ZFYVE28: variants seen among roughly 807,000 people sequenced by gnomAD.
ZFYVE28 encodes lateral signaling target protein 2 homolog.
Under a neutral mutation model 82.1 loss-of-function variants are expected in ZFYVE28, and 40 were observed. That is an observed-to-expected ratio of 0.49 (90% CI 0.38 to 0.63). ZFYVE28 has a LOEUF of 0.63. Ranked by LOEUF, ZFYVE28 falls within the 30% of genes least tolerant of loss-of-function variation. The pLI, the probability that ZFYVE28 is intolerant of heterozygous loss-of-function variation, is 0.00. For synonymous variants in ZFYVE28, 612 were observed against 546.1 expected (o/e 1.12, Z -1.68); for missense variants, 1,321 against 1,242.1 (o/e 1.06, Z -0.96).
intron 7 of ZFYVE28, among the ~76,000 whole-genome samples, chr4:2,311,624 C>T (rs538398059): frequency 6.6e-6 from 1 of 152,130 alleles, no homozygotes. Context: ...TATTTCTTTT[C>T]TCCTGCTTTC....
chr4:2,365,911 C>T lies in ZFYVE28; in HGVS notation c.40-11838G>A, dbSNP rs573286173. ...ACTGGGGACTGGGGGCTCCCCTCTACCTACAGGAGGGGTGGAGGTGGCAGA... is the reference window on the plus strand; with the variant it reads ...ACTGGGGACTGGGGGCTCCCCTCTATCTACAGGAGGGGTGGAGGTGGCAGA... On this transcript the variant is annotated intron_variant, in intron 1 of 12. Transcript: ENST00000290974. 2.0e-5 allele frequency among the ~76,000 whole-genome samples: 3 copies of T among 152,336 alleles called. No homozygotes were observed. The South Asian group carries it at 6.2e-4, about 32-fold the overall frequency.
rs1733282515 is a variant in ZFYVE28, at chr4:2,417,949, G to T, written c.39+336C>A. Among the ~76,000 whole-genome samples, 1 of 151,846 alleles carries T rather than the reference G, an allele frequency of 6.6e-6. No homozygotes were observed. Among genetic ancestry groups the T allele is most frequent in the African/African-American group, 2.4e-5 (1 of 41,324 alleles). On this transcript the variant is annotated intron_variant, in intron 1 of 12. Transcript: ENST00000290974. This position sits in a 1 kb window ranked among gnomAD's most constrained non-coding sequence, Gnocchi z 4.8. ...CGCGGGCTGGGGACCACGAAGTGTA[G>T]GAGGGCACCGTCCAGGACCGGGATG... is the stretch of plus-strand genomic sequence containing the variant.
rs765688641 is a variant in ZFYVE28 at position 2,304,910 on chromosome 4, C to T, written c.1430G>A (p.Ser477Asn). Residue 477 changes from serine to asparagine, a missense_variant, in exon 8 of 13, where the codon AGC becomes AAC. Coordinates refer to ENST00000290974, the MANE Select transcript of ZFYVE28 (RefSeq NM_020972.3). Reference protein sequence around the residue: ...GTDGASLAGTSSCSCLDSRLH... With the variant: ...GTDGASLAGTNSCSCLDSRLH... ...CCGCGAGTCCAGGCAGCTGCAGGAGCTGGTGCCCGCGAGGCTGGCCCCATC... is the reference window on the plus strand; with the variant it reads ...CCGCGAGTCCAGGCAGCTGCAGGAGTTGGTGCCCGCGAGGCTGGCCCCATC... 17 of 1,612,716 alleles carry T rather than the reference C, an allele frequency of 1.1e-5. 1 individual carries two copies. The South Asian group carries it at 1.2e-4, about 11-fold the overall frequency.
intron 9 of ZFYVE28, 139 bp downstream of exon 9, chr4:2,273,923 T>A (rs1384818389): frequency 6.3e-6 from 6 of 949,472 alleles, no homozygotes; most frequent in Non-Finnish European, 9.4e-6. Context: ...TGAACAGGAG[T>A]GCTGGCTCCT....
chr4:2,305,324 T>C lies in ZFYVE28; in HGVS notation c.1016A>G (p.Asp339Gly), dbSNP rs764721009. Residue 339 changes from aspartate to glycine, a missense_variant, in exon 8 of 13, where the codon GAC (aspartate) becomes GGC (glycine). Around this residue, in one of 2 missense-constraint regions of ZFYVE28, gnomAD observed 978 missense variants for 833.7 expected, o/e 1.17. Transcript: ENST00000290974. ...GCGGCTGAGCTGCTCCAGCTCCTGG[T>C]CGTCGTACTGCATGGAGCAGGCCAG... ...AELACSMQYD[D>G]QELEQLSRMV... is the part of the protein sequence containing the mutation. 1 of 1,613,154 alleles carries C rather than the reference T, an allele frequency of 6.2e-7. No homozygotes were observed. Among genetic ancestry groups the C allele is most frequent in the African/African-American group, 1.3e-5 (1 of 75,078 alleles).
At chr4:2,305,614 C>G in intron 7 of ZFYVE28, 78 bp from the exon 8 acceptor site, 1 of 1,542,652 alleles carries the variant, frequency 6.5e-7, no homozygotes, top group South Asian at 1.2e-5. Context: ...GGACGCAGCA[C>G]CCTGGAGTCT....
intron 1 of ZFYVE28, among the ~76,000 whole-genome samples, chr4:2,359,141 ATT>A (rs60652968): frequency 6.9e-6 from 1 of 144,216 alleles, no homozygotes; most frequent in African/African-American, 2.5e-5. Context: ...GGCCCGGCTA[ATT>A]TTTTTTTTTT....
At chr4:2,353,503 G>C (rs983863895) in intron 2 of ZFYVE28, among the ~76,000 whole-genome samples, 4 of 152,196 alleles carry the variant, frequency 2.6e-5, no homozygotes, top group South Asian at 2.1e-4. Context: ...CCTCGGCCAG[G>C]GTATTTTTAG....
At chr4:2,375,387 C>G (rs766090413) in intron 1 of ZFYVE28, among the ~76,000 whole-genome samples, 4 of 152,234 alleles carry the variant, frequency 2.6e-5, no homozygotes, top group Admixed American at 1.3e-4. Flanking sequence ...GCCCCGGTAC[C>G]TCCCCAAGGG....
At chr4:2,306,499 G>C (rs960608789) in intron 7 of ZFYVE28, among the ~76,000 whole-genome samples, 1 of 152,218 alleles carries the variant, frequency 6.6e-6, no homozygotes, top group Non-Finnish European at 1.5e-5. Flanking sequence ...CTGCTTCTCT[G>C]AGGAAATGGG....
chr4:2,380,101 T>C (rs1037468258), intron 1 of ZFYVE28, among the ~76,000 whole-genome samples: 6 of 152,196 alleles, frequency 3.9e-5, no homozygotes, highest in African/African-American at 1.4e-4. Flanking sequence ...AACAACCTAA[T>C]AGTATTAGTA....
At chr4:2,330,231 CTG>C in intron 6 of ZFYVE28, 1 of 964,452 alleles carries the variant, frequency 1.0e-6, no homozygotes, top group Non-Finnish European at 1.2e-6. Flanking sequence ...CCAAAAACGA[CTG>C]TGCACTGTAG....
intron 1 of ZFYVE28, among the ~76,000 whole-genome samples, chr4:2,391,561 T>C (rs1208577148): frequency 2.0e-5 from 3 of 149,590 alleles, no homozygotes; most frequent in African/African-American, 7.4e-5. Flanking sequence ...ACATTCACAC[T>C]GTTGTACCAC....
chr4:2,273,057 G>T, intron 10 of ZFYVE28, 116 bp downstream of exon 10: 1 of 822,292 alleles, frequency 1.2e-6, no homozygotes, highest in Non-Finnish European at 1.9e-6. Context: ...ACGATTGCTT[G>T]GTCGGGACCC....
rs1718839854 is a variant in ZFYVE28 at position 2,320,044 on chromosome 4, A to C, written c.803+126T>G. 2 of 907,554 alleles carry C rather than the reference A, an allele frequency of 2.2e-6. No individual in the cohort carries two copies. The highest frequency in any genetic ancestry group is 3.4e-6 in the Non-Finnish European group (2 of 587,294). The allele number at this position is 907,554 out of a possible 1,614,324, so 56.2% of individuals were successfully genotyped here. ...TTGTGACCCCTCCCTAGGGAATATT[A>C]ACCAGCCCATCCTTCCTCACAGAGA... On this transcript the variant is annotated intron_variant, in intron 7 of 12. Coordinates refer to ENST00000290974, the MANE Select transcript of ZFYVE28 (RefSeq NM_020972.3). This position sits in a 1 kb window ranked among gnomAD's most constrained non-coding sequence, Gnocchi z 5.1.
At chr4:2,303,225 C>T (rs986689002) in intron 8 of ZFYVE28, among the ~76,000 whole-genome samples, 1 of 152,150 alleles carries the variant, frequency 6.6e-6, no homozygotes, top group Non-Finnish European at 1.5e-5. Context: ...CTGGTCACTC[C>T]CACTCCTCCA....
At chr4:2,322,023 C>G (rs924048544) in intron 6 of ZFYVE28, among the ~76,000 whole-genome samples, 2 of 152,214 alleles carry the variant, frequency 1.3e-5, no homozygotes, top group Non-Finnish European at 2.9e-5. Flanking sequence ...GACCCAAGAC[C>G]CCCTGGGCTG....
At position 2,304,751 on chromosome 4, in the gene ZFYVE28, G is replaced by A. The variant is rs76467215; in HGVS notation, c.1589C>T (p.Ala530Val). 2,640 of 1,612,614 alleles carry A rather than the reference G, an allele frequency of 1.6e-3. 27 individuals carry two copies. The African/African-American group carries it at 0.022, about 13-fold the overall frequency. ...NPKSPTSLDS[A>V]VATQEAASEP... is the part of the protein sequence containing the mutation. The stretch of plus-strand genomic sequence containing the variant: ...CGAGGCGGCCTCCTGGGTGGCGACC[G>A]CAGAGTCCAGGGAAGTGGGCGATTT... Residue 530 changes from alanine to valine, a missense_variant, in exon 8 of 13, where the codon GCG (alanine) becomes GTG (valine). Around this residue, in one of 2 missense-constraint regions of ZFYVE28, gnomAD observed 978 missense variants for 833.7 expected, o/e 1.17. Transcript: ENST00000290974.
Position 2,304,709 on chromosome 4 carries a change from C to G in ZFYVE28, c.1631G>C (p.Gly544Ala), listed in dbSNP as rs769071523. The change falls in exon 8 of 13, where the codon GGG (glycine) becomes GCG (alanine). Residue 544 changes from glycine (G) to alanine (A), a missense_variant. By Grantham distance (60) the Gly-to-Ala change is moderately conservative. Transcript: ENST00000290974. ...QEAASEPVAE[G>A]MDGGPHKLST... ...AAGCTTGTGGGGGCCGCCATCCATCCCCTCGGCCACGGGCTCCGAGGCGGC... is the reference window on the plus strand; with the variant it reads ...AAGCTTGTGGGGGCCGCCATCCATCGCCTCGGCCACGGGCTCCGAGGCGGC... The G allele has an allele frequency of 5.6e-6, 9 of 1,612,538 alleles. No homozygotes were observed. Among genetic ancestry groups the G allele is most frequent in the Non-Finnish European group, 6.8e-6 (8 of 1,179,930 alleles).
Sources: gnomAD v4.1 joint callset for allele counts (sites outside exome capture counted in the v4.1 genomes callset) on GRCh38, gnomAD v4.1.1 for gene constraint, gnomAD v4.1.1 regional missense constraint, Gnocchi (gnomAD v3.1) non-coding constraint, MANE v1.5 for transcripts, NCBI Gene and HGNC (gene_info 2026-07-23, HGNC 2026-07-21) for gene names.